Variants in SEMA4B observed in about 807,000 individuals in gnomAD.
SEMA4B encodes the protein semaphorin-4B.
Under a neutral mutation model 88.1 loss-of-function variants are expected in SEMA4B, and 55 were observed. That is an observed-to-expected ratio of 0.62 (90% confidence interval 0.50 to 0.78). The LOEUF is 0.78. SEMA4B is among the 30% of genes least tolerant of loss of function. The pLI is 0.00. For missense variants in SEMA4B, 1,062 were observed against 1,111.9 expected, an observed-to-expected ratio of 0.96 and a Z score of 0.64; for synonymous variants, 525 against 473.6, an observed-to-expected ratio of 1.11 and a Z score of -1.41.
At chr15:90,220,774 C>T (rs988885849) in intron 4 of SEMA4B, among the ~76,000 whole-genome samples, 1 of 152,164 alleles carries the variant, frequency 6.6e-6, no homozygotes, top group African/African-American at 2.4e-5. Flanking sequence ...CTGGGTGAGG[C>T]CTCTCCTGAG....
At chr15:90,227,227 T>C in intron 12 of SEMA4B, 1 of 260,566 alleles carries the variant, frequency 3.8e-6, no homozygotes, top group African/African-American at 2.2e-5. Context: ...TTTCTATTTT[T>C]TGTAGAGATG....
chr15:90,219,778 G>A lies in SEMA4B; in HGVS notation c.385-15G>A, dbSNP rs765839638. 13 of 1,607,048 alleles carry A rather than the reference G, an allele frequency of 8.1e-6. No individual in the cohort carries two copies. The South Asian group carries it at 8.8e-5, about 11-fold the overall frequency. On this transcript the variant is annotated splice_polypyrimidine_tract_variant and intron_variant, in intron 3 of 13. Coordinates refer to ENST00000411539, the MANE Select transcript of SEMA4B (RefSeq NM_198925.4). ...TTGGGCGTGGGACTGATATCCCCTC[G>A]CTCCTTCCCCCCAGCGCGACTGTCA...
At chr15:90,218,907 T>G (rs923504002) in intron 3 of SEMA4B, among the ~76,000 whole-genome samples, 4 of 152,262 alleles carry the variant, frequency 2.6e-5, no homozygotes, top group African/African-American at 9.6e-5. Flanking sequence ...AAGTGACATT[T>G]GAGCCAAGAT....
At chr15:90,185,671 T>C (rs77278470) in intron 1 of SEMA4B, among the ~76,000 whole-genome samples, 2,466 of 152,312 alleles carry the variant, frequency 0.016, 61 homozygotes, top group African/African-American at 0.056. Context: ...GGTATGTTAT[T>C]TGAGTTAAAC....
chr15:90,220,846 G>GACACCTGACCCCTTCTGTCCCAC (rs1961790951), intron 4 of SEMA4B, 136 bp from the exon 5 acceptor site: 4 of 640,684 alleles, frequency 6.2e-6, no homozygotes, highest in South Asian at 3.6e-5. Flanking sequence ...CGGCGTCCCT[G>GACACCTGACCCCTTCTGTCCCAC]ACACCTGACC....
chr15:90,194,841 T>A (rs1318347800), intron 1 of SEMA4B, among the ~76,000 whole-genome samples: 1 of 152,234 alleles, frequency 6.6e-6, no homozygotes, highest in Non-Finnish European at 1.5e-5. Context: ...CATACATATA[T>A]ATGCACATTT....
At chr15:90,215,861 T>A (rs1175351946) in intron 1 of SEMA4B, among the ~76,000 whole-genome samples, 1 of 152,132 alleles carries the variant, frequency 6.6e-6, no homozygotes, top group Non-Finnish European at 1.5e-5. Context: ...ATATATATAT[T>A]TTTAAGTATA....
At chr15:90,193,712 CAAAT>C (rs1277216177) in intron 1 of SEMA4B, 3 of 152,096 alleles carry the variant, frequency 2.0e-5, no homozygotes, top group African/African-American at 7.2e-5. Flanking sequence ...AGGGACTCAA[CAAAT>C]AGTGATTGAG....
Position 90,223,543 on chromosome 15 carries a change from C to A in SEMA4B, c.862-16C>A. ...CAGCATGTGCCTAAGCCCAGCCCATCCGACTCTCCCTCCAGGGCGATGAGG... is the reference window on the plus strand; with the variant it reads ...CAGCATGTGCCTAAGCCCAGCCCATACGACTCTCCCTCCAGGGCGATGAGG... On this transcript the variant is annotated splice_polypyrimidine_tract_variant and intron_variant, in intron 7 of 13. Coordinates refer to ENST00000411539, the MANE Select transcript of SEMA4B (RefSeq NM_198925.4). 6.4e-7 allele frequency: 1 copy of A among 1,559,612 alleles called. No homozygotes were observed.
intron 1 of SEMA4B, among the ~76,000 whole-genome samples, chr15:90,195,664 C>T (rs1385976290): frequency 6.6e-6 from 1 of 152,172 alleles, no homozygotes; most frequent in Non-Finnish European, 1.5e-5. Flanking sequence ...GGCTGGAGAG[C>T]AGTGGCGTGA....
chr15:90,189,746 G>A lies in SEMA4B; in HGVS notation c.-122+4665G>A, dbSNP rs533051054. On this transcript the variant is annotated intron_variant, in intron 1 of 14. Coordinates refer to the SEMA4B transcript ENST00000332496. ...TTACTTTTTTTGGCGGGGAGTGGGGGCTGGTAGCAAGGAGCTTTTGAAATT... is the reference window on the plus strand; with the variant it reads ...TTACTTTTTTTGGCGGGGAGTGGGGACTGGTAGCAAGGAGCTTTTGAAATT... 3.9e-5 allele frequency among the ~76,000 whole-genome samples: 6 copies of A among 152,266 alleles called. No homozygotes were observed. The South Asian group carries it at 1.2e-3, about 32-fold the overall frequency.
intron 1 of SEMA4B, chr15:90,215,078 G>T: frequency 3.2e-6 from 3 of 943,414 alleles, no homozygotes; most frequent in Non-Finnish European, 4.1e-6. Context: ...CCGCTACAAC[G>T]TGCCTGAGGG....
chr15:90,193,843 T>A (rs1960417673), intron 1 of SEMA4B, among the ~76,000 whole-genome samples: 1 of 151,824 alleles, frequency 6.6e-6, no homozygotes, highest in Non-Finnish European at 1.5e-5. Context: ...TTCATAATAT[T>A]CTTTTTTTTT....
upstream of SEMA4B, among the ~76,000 whole-genome samples, chr15:90,196,678 G>A (rs1052972505): frequency 8.6e-5 from 13 of 151,782 alleles, no homozygotes; most frequent in Admixed American, 1.3e-4. Flanking sequence ...TAATAGAGAC[G>A]GGGTTTCACC....
intron 1 of SEMA4B, among the ~76,000 whole-genome samples, chr15:90,209,840 T>C (rs2151604181): frequency 6.6e-6 from 1 of 150,520 alleles, no homozygotes; most frequent in East Asian, 2.0e-4. Flanking sequence ...GATGAGAGAA[T>C]TGGGCCCTTG....
At chr15:90,190,570 G>C (rs867771259) in intron 1 of SEMA4B, 7 of 152,440 alleles carry the variant, frequency 4.6e-5, no homozygotes, top group African/African-American at 1.7e-4. Context: ...GGGAAGGAAG[G>C]TTGGTTTCCT....
intron 1 of SEMA4B, chr15:90,206,823 G>T: frequency 1.4e-6 from 1 of 726,672 alleles, no homozygotes; most frequent in Non-Finnish European, 2.5e-6. Flanking sequence ...AAAAGAAACT[G>T]GGGGAATGGG....
intron 12 of SEMA4B, 57 bp from the exon 13 acceptor site, chr15:90,227,500 G>A (rs777669848): frequency 1.2e-5 from 18 of 1,543,102 alleles, no homozygotes; most frequent in Admixed American, 3.5e-5. Context: ...TGAGGGGTGA[G>A]GGAATGTGAG....
intron 1 of SEMA4B, among the ~76,000 whole-genome samples, chr15:90,195,347 C>T (rs1033192224): frequency 2.0e-5 from 3 of 152,124 alleles, no homozygotes; most frequent in African/African-American, 7.2e-5. Flanking sequence ...CTGCCTTGGC[C>T]TCCCGAAGTG....
Sources: allele counts gnomAD v4.1 joint callset (sites outside exome capture counted in the v4.1 genomes callset), GRCh38; gene constraint gnomAD v4.1.1; transcripts MANE v1.5; gene names NCBI Gene and HGNC (gene_info 2026-07-23, HGNC 2026-07-21).